NR3C2: variants seen among roughly 807,000 people sequenced by gnomAD.
NR3C2 encodes mineralocorticoid receptor.
In NR3C2, 15 loss-of-function variants were observed where a neutral mutation model predicts 86.4. That is an observed-to-expected ratio of 0.17 (90% CI 0.12 to 0.27). NR3C2 has a LOEUF of 0.27. Among genes scored for constraint, NR3C2 ranks in the 10% least tolerant of loss-of-function variants. NR3C2 has a pLI of 1.00. For synonymous variants in NR3C2, 458 were observed against 450.5 expected (o/e 1.02, Z -0.21); for missense variants, 960 against 1,195.6 (o/e 0.80, Z 2.91).
At chr4:148,445,235 G>C (rs1272535010), upstream of NR3C2, among the ~76,000 whole-genome samples, 1 of 151,966 alleles carries the variant, frequency 6.6e-6, no homozygotes, top group African/African-American at 2.4e-5. Flanking sequence ...CCCACCTGCG[G>C]GGGGAGGCGA....
At chr4:148,132,474 G>T (rs1415484226) in intron 6 of NR3C2, among the ~76,000 whole-genome samples, 1 of 152,182 alleles carries the variant, frequency 6.6e-6, no homozygotes, top group Non-Finnish European at 1.5e-5. Flanking sequence ...GATACTAGGG[G>T]CCTTGGTACA....
chr4:148,094,640 G>A lies in NR3C2; in HGVS notation c.2800-13141C>T, dbSNP rs185365097. Among the ~76,000 whole-genome samples the A allele has an allele frequency of 1.2e-3, 180 of 151,872 alleles. No homozygotes were observed. In the East Asian group the frequency reaches 0.028, roughly 23 times the overall value. ...TGAGGTAGGAGAATCGCTTGAACCC[G>A]GGAGGCGGAGGTTGCAGTGAGCCGA... On this transcript the variant is annotated intron_variant, in intron 8 of 8. Transcript: ENST00000358102.
At chr4:148,107,653 A>C (rs1296233295) in intron 8 of NR3C2, among the ~76,000 whole-genome samples, 1 of 152,214 alleles carries the variant, frequency 6.6e-6, no homozygotes, top group Non-Finnish European at 1.5e-5. Flanking sequence ...ACACCATCGA[A>C]TACTACACAG....
chr4:148,195,686 G>A (rs7673644), intron 3 of NR3C2, among the ~76,000 whole-genome samples: 112,075 of 152,162 alleles, frequency 0.74, 42,217 homozygotes, highest in African/African-American at 0.9. Context: ...TAGATGTTCA[G>A]TCTAACAGTG....
chr4:148,418,205 C>G (rs1749105444), intron 2 of NR3C2, among the ~76,000 whole-genome samples: 1 of 152,150 alleles, frequency 6.6e-6, no homozygotes, highest in Non-Finnish European at 1.5e-5. Context: ...TGCAGCCTAT[C>G]TTATCTATGT....
intron 2 of NR3C2, among the ~76,000 whole-genome samples, chr4:148,272,071 C>CA: frequency 6.6e-6 from 1 of 152,196 alleles, no homozygotes; most frequent in South Asian, 2.1e-4. Flanking sequence ...TAATGTATAC[C>CA]AGGCACTGTT....
intron 2 of NR3C2, among the ~76,000 whole-genome samples, chr4:148,266,118 G>A (rs1376968545): frequency 6.7e-6 from 1 of 150,178 alleles, no homozygotes; most frequent in South Asian, 2.1e-4. Context: ...TCTGTTGCAG[G>A]CTGGAGTGCA....
chr4:148,352,376 CTAT>C (rs1373825067), intron 2 of NR3C2, among the ~76,000 whole-genome samples: 14 of 32,446 alleles, frequency 4.3e-4, no homozygotes, highest in African/African-American at 1.6e-3. Flanking sequence ...CTCCTATCAT[CTAT>C]CTATCTATCT....
At chr4:148,167,245 G>T (rs72945952) in intron 4 of NR3C2, among the ~76,000 whole-genome samples, 1 of 152,164 alleles carries the variant, frequency 6.6e-6, no homozygotes, top group African/African-American at 2.4e-5. Context: ...TCTTGACTAG[G>T]ATTCAAGTCA....
At chr4:148,117,627 A>C (rs1169560491) in intron 7 of NR3C2, among the ~76,000 whole-genome samples, 1 of 152,220 alleles carries the variant, frequency 6.6e-6, no homozygotes, top group Non-Finnish European at 1.5e-5. Context: ...AACACTTTGC[A>C]AATTGCAAGG....
At chr4:148,235,056 A>G (rs1030994564) in intron 3 of NR3C2, among the ~76,000 whole-genome samples, 11 of 152,136 alleles carry the variant, frequency 7.2e-5, no homozygotes, top group Non-Finnish European at 1.5e-4. Context: ...TCGCATTTAA[A>G]ATGACAACTC....
At chr4:148,181,029 C>T (rs781168124) in intron 4 of NR3C2, among the ~76,000 whole-genome samples, 31 of 152,212 alleles carry the variant, frequency 2.0e-4, no homozygotes, top group Non-Finnish European at 4.3e-4. Context: ...TTTCCTGTGA[C>T]GTGTCCCACT....
chr4:148,104,382 C>T (rs1248100335), intron 8 of NR3C2, among the ~76,000 whole-genome samples: 7 of 147,350 alleles, frequency 4.8e-5, no homozygotes, highest in African/African-American at 1.8e-4. Context: ...ATGTCCTCCC[C>T]TCTCCCTTGG....
At chr4:148,240,959 A>C (rs1738998940) in intron 3 of NR3C2, among the ~76,000 whole-genome samples, 1 of 152,068 alleles carries the variant, frequency 6.6e-6, no homozygotes, top group Admixed American at 6.6e-5. Context: ...ACTTCTCTGG[A>C]ACTATAAAGG....
chr4:148,410,991 C>T (rs1181697983), intron 2 of NR3C2, among the ~76,000 whole-genome samples: 1 of 152,176 alleles, frequency 6.6e-6, no homozygotes, highest in African/African-American at 2.4e-5. Flanking sequence ...GTACTCCGAC[C>T]TTCAACTCAA....
chr4:148,370,610 G>T (rs1236665713), intron 2 of NR3C2, among the ~76,000 whole-genome samples: 3 of 152,088 alleles, frequency 2.0e-5, no homozygotes. Flanking sequence ...AGGAGTTTTG[G>T]TTGGAGTTTC....
At chr4:148,289,197 T>A (rs1032146969) in intron 2 of NR3C2, among the ~76,000 whole-genome samples, 5 of 151,402 alleles carry the variant, frequency 3.3e-5, no homozygotes, top group Admixed American at 2.6e-4. Flanking sequence ...GACATGCTTT[T>A]TAAACAAGAT....
chr4:148,311,592 C>G (rs755076947), intron 2 of NR3C2, among the ~76,000 whole-genome samples: 2 of 152,216 alleles, frequency 1.3e-5, no homozygotes, highest in African/African-American at 4.8e-5. Context: ...GATTCCATAC[C>G]TTGGCCCCTG....
At chr4:148,324,885 A>G (rs746146291) in intron 2 of NR3C2, among the ~76,000 whole-genome samples, 1 of 152,216 alleles carries the variant, frequency 6.6e-6, no homozygotes, top group Non-Finnish European at 1.5e-5. Context: ...TTTGTTGTTC[A>G]CTGCCACAAA....
Sources: allele counts gnomAD v4.1 joint callset (sites outside exome capture counted in the v4.1 genomes callset), GRCh38; gene constraint gnomAD v4.1.1; transcripts MANE v1.5; gene names NCBI Gene and HGNC (gene_info 2026-07-23, HGNC 2026-07-21).